The following NXPH2 variants were observed in gnomAD, a reference collection of about 807,000 sequenced individuals.
NXPH2 encodes neurexophilin 2, also known as neurexophilin-2.
NXPH2 carries 5 observed loss-of-function variants against 19.8 expected under a neutral mutation model. That is an observed-to-expected ratio of 0.25 (90% confidence interval 0.13 to 0.53). The LOEUF (loss-of-function observed/expected upper bound fraction) is 0.53, where lower values mean the gene tolerates loss of function less well. Ranked by LOEUF, NXPH2 falls within the 20% of genes least tolerant of loss-of-function variation. The pLI, the probability that NXPH2 is intolerant of heterozygous loss-of-function variation, is 0.96. For synonymous variants in NXPH2, 154 were observed against 127.4 expected, an observed-to-expected ratio of 1.21 and a Z score of -1.41; for missense variants, 289 against 322.8, an observed-to-expected ratio of 0.90 and a Z score of 0.80.
At chr2:138,716,035 A>T (rs543405073) in intron 1 of NXPH2, among the ~76,000 whole-genome samples, 2 of 152,252 alleles carry the variant, frequency 1.3e-5, no homozygotes, top group East Asian at 3.9e-4. Flanking sequence ...TTGACTTTGT[A>T]CTTGGAGTTT....
In NXPH2 at chr2:138,715,085, C is replaced by T. The variant is rs915748883; in HGVS notation, c.52-43420G>A. Among the ~76,000 whole-genome samples the T allele has an allele frequency of 5.9e-5, 9 of 152,310 alleles. No homozygotes were observed. In the South Asian group the frequency reaches 6.2e-4, roughly 11 times the overall value. On this transcript the variant is annotated intron_variant, in intron 1 of 1. Coordinates refer to ENST00000272641, the MANE Select transcript of NXPH2 (RefSeq NM_007226.3). ...TGGTGTTCTATCAACTCTAGGTACT[C>T]TCATCCGAGCATGCTAAAAAGAATT...
intron 1 of NXPH2, among the ~76,000 whole-genome samples, chr2:138,716,767 G>A (rs1370038969): frequency 6.6e-6 from 1 of 152,094 alleles, no homozygotes; most frequent in Non-Finnish European, 1.5e-5. Context: ...AAAAATACTG[G>A]GTTTAAGGTT....
intron 1 of NXPH2, among the ~76,000 whole-genome samples, chr2:138,710,525 A>C (rs1681089918): frequency 6.6e-6 from 1 of 152,150 alleles, no homozygotes; most frequent in South Asian, 2.1e-4. Context: ...ATTCCCACCA[A>C]CAACACACAA....
intron 1 of NXPH2, among the ~76,000 whole-genome samples, chr2:138,719,213 T>C (rs1366872061): frequency 6.6e-6 from 1 of 152,160 alleles, no homozygotes; most frequent in Non-Finnish European, 1.5e-5. Flanking sequence ...TATATATTTT[T>C]GTGGAAGATT....
chr2:138,775,578 C>T (rs1032806194), intron 1 of NXPH2, among the ~76,000 whole-genome samples: 6 of 151,970 alleles, frequency 3.9e-5, no homozygotes, highest in Admixed American at 3.3e-4. Flanking sequence ...GAAAATCTTA[C>T]GGCAGTACAA....
chr2:138,688,784 C>T (rs760770545), intron 1 of NXPH2, among the ~76,000 whole-genome samples: 6 of 152,150 alleles, frequency 3.9e-5, no homozygotes, highest in Non-Finnish European at 8.8e-5. Flanking sequence ...GCATTTCATA[C>T]ATAAAGTGTC....
At chr2:138,685,423 T>G (rs999258554) in intron 1 of NXPH2, among the ~76,000 whole-genome samples, 16 of 152,358 alleles carry the variant, frequency 1.1e-4, no homozygotes, top group Middle Eastern at 3.4e-3. Context: ...GCCTGTTGCT[T>G]TCTTGTATCC....
intron 1 of NXPH2, among the ~76,000 whole-genome samples, chr2:138,744,801 C>G (rs16841105): frequency 0.12 from 17,956 of 152,186 alleles, 1,204 homozygotes; most frequent in African/African-American, 0.14. Context: ...GACCACGAAT[C>G]AAGCTCACTT....
intron 1 of NXPH2, among the ~76,000 whole-genome samples, chr2:138,677,300 G>C (rs1370923192): frequency 6.6e-6 from 1 of 152,140 alleles, no homozygotes; most frequent in African/African-American, 2.4e-5. Context: ...TTTACAAAGG[G>C]GAAGAAAGAA....
chr2:138,714,610 A>G (rs10206559), intron 1 of NXPH2, among the ~76,000 whole-genome samples: 49,217 of 151,974 alleles, frequency 0.32, 8,935 homozygotes, highest in Non-Finnish European at 0.42. Flanking sequence ...AATAACACAC[A>G]CTTCTATTAC....
At chr2:138,777,189 C>G (rs1181499243) in intron 1 of NXPH2, among the ~76,000 whole-genome samples, 3 of 151,992 alleles carry the variant, frequency 2.0e-5, no homozygotes, top group Non-Finnish European at 4.4e-5. Context: ...CTGGTGAAGT[C>G]TTTACCTTGT....
At chr2:138,763,187 C>A (rs1244924045) in intron 1 of NXPH2, among the ~76,000 whole-genome samples, 4 of 152,180 alleles carry the variant, frequency 2.6e-5, no homozygotes, top group Middle Eastern at 3.4e-3. Context: ...AAACCTATTA[C>A]CTCATCAGAA....
chr2:138,752,309 C>A (rs2104834277), intron 1 of NXPH2, among the ~76,000 whole-genome samples: 1 of 152,182 alleles, frequency 6.6e-6, no homozygotes, highest in South Asian at 2.1e-4. Context: ...ACTCAGGCAT[C>A]CAGTAGAGTT....
At chr2:138,732,291 G>T (rs889345940) in intron 1 of NXPH2, among the ~76,000 whole-genome samples, 2 of 152,202 alleles carry the variant, frequency 1.3e-5, no homozygotes, top group African/African-American at 4.8e-5. Flanking sequence ...CCTATGGAAA[G>T]TCATAGAGAA....
intron 1 of NXPH2, among the ~76,000 whole-genome samples, chr2:138,688,337 C>T (rs1680693086): frequency 6.6e-6 from 1 of 152,174 alleles, no homozygotes; most frequent in Admixed American, 6.6e-5. Flanking sequence ...GCACGTGCCA[C>T]CACGCCTAAC....
intron 1 of NXPH2, among the ~76,000 whole-genome samples, chr2:138,759,808 C>T (rs1681979821): frequency 6.7e-6 from 1 of 149,694 alleles, no homozygotes; most frequent in South Asian, 2.1e-4. Flanking sequence ...CGGCTCACTG[C>T]AACCTCCGCC....
intron 1 of NXPH2, among the ~76,000 whole-genome samples, chr2:138,742,630 T>A (rs990898177): frequency 3.9e-4 from 59 of 152,078 alleles, no homozygotes; most frequent in African/African-American, 1.4e-3. Flanking sequence ...GCAGGGCAAA[T>A]GAATGAGCAA....
intron 1 of NXPH2, among the ~76,000 whole-genome samples, chr2:138,713,704 G>A (rs769516716): frequency 1.3e-5 from 2 of 151,962 alleles, no homozygotes; most frequent in Non-Finnish European, 2.9e-5. Context: ...CTGTGATGAG[G>A]CCATGGGACC....
chr2:138,717,151 A>G (rs375847833), intron 1 of NXPH2, among the ~76,000 whole-genome samples: 1 of 152,166 alleles, frequency 6.6e-6, no homozygotes, highest in African/African-American at 2.4e-5. Flanking sequence ...GGAGCTTTTT[A>G]TATACTGATA....
Sources: gnomAD v4.1 joint callset for allele counts (sites outside exome capture counted in the v4.1 genomes callset) on GRCh38, gnomAD v4.1.1 for gene constraint, MANE v1.5 for transcripts, NCBI Gene and HGNC (gene_info 2026-07-23, HGNC 2026-07-21) for gene names.